Variants in LRRC69 observed in about 807,000 individuals in gnomAD.
LRRC69 encodes leucine-rich repeat-containing protein 69.
LRRC69 carries 42 observed loss-of-function variants against 37.8 expected under a neutral mutation model. The ratio of observed to expected loss-of-function variants is 1.11; its 90% CI spans 0.87 to 1.44. LRRC69 has a LOEUF of 1.44. Among genes scored for constraint, LRRC69 ranks in the 40% most tolerant of loss-of-function variants. The probability of loss-of-function intolerance (pLI) is 0.00; values close to 1 mark genes in which losing one functional copy is unlikely to be tolerated. For synonymous variants in LRRC69, 141 were observed against 143.1 expected (o/e 0.99, Z 0.11); for missense variants, 357 against 401.9 (o/e 0.89, Z 0.96).
intron 5 of LRRC69, among the ~76,000 whole-genome samples, chr8:91,167,321 C>T (rs1809047382): frequency 6.6e-6 from 1 of 151,584 alleles, no homozygotes; most frequent in South Asian, 2.1e-4. Context: ...AGAACTTGTG[C>T]AGGGGTACTC....
intron 5 of LRRC69, among the ~76,000 whole-genome samples, chr8:91,168,612 T>C (rs1291980451): frequency 6.6e-6 from 1 of 151,956 alleles, no homozygotes; most frequent in Non-Finnish European, 1.5e-5. Flanking sequence ...ACCTACCTGC[T>C]AAGCAGGATG....
chr8:91,181,518 A>T (rs1036701828), intron 5 of LRRC69, among the ~76,000 whole-genome samples: 1 of 152,192 alleles, frequency 6.6e-6, no homozygotes, highest in Non-Finnish European at 1.5e-5. Flanking sequence ...TGTGGAACTG[A>T]CATAACATAC....
At chr8:91,141,747 A>G (rs1808536563) in intron 5 of LRRC69, among the ~76,000 whole-genome samples, 1 of 152,124 alleles carries the variant, frequency 6.6e-6, no homozygotes, top group South Asian at 2.1e-4. Context: ...ATTTAAAATG[A>G]GAAAAATCAA....
chr8:91,180,962 T>C (rs1809314270), intron 5 of LRRC69, among the ~76,000 whole-genome samples: 1 of 151,684 alleles, frequency 6.6e-6, no homozygotes, highest in Non-Finnish European at 1.5e-5. Flanking sequence ...TAAAATAAAA[T>C]ACCTCTAGGA....
At chr8:91,194,298 C>G (rs1289923030) in intron 6 of LRRC69, among the ~76,000 whole-genome samples, 1 of 149,544 alleles carries the variant, frequency 6.7e-6, no homozygotes. Flanking sequence ...GGATATTGGT[C>G]TAAAATTCTC....
chr8:91,157,546 G>A (rs1808858790), intron 5 of LRRC69: 1 of 1,525,592 alleles, frequency 6.6e-7, no homozygotes. Flanking sequence ...TAATGAGAAT[G>A]AGGGTTTACT....
chr8:91,151,373 C>T lies in LRRC69; in HGVS notation c.651+15634C>T, dbSNP rs190449745. Among the ~76,000 whole-genome samples, 880 of 151,266 alleles carry T rather than the reference C, an allele frequency of 5.8e-3. 14 individuals are homozygous for T. The highest frequency in any genetic ancestry group is 0.02 in the African/African-American group (838 of 41,292). ...GTAGTCATTCAGGAGCAGGTTGTTC[C>T]GTTTCCATGTAGTTGAGTGGTTTTG... On this transcript the variant is annotated intron_variant, in intron 5 of 7. Transcript: ENST00000448384.
intron 5 of LRRC69, among the ~76,000 whole-genome samples, chr8:91,166,094 C>T (rs879469784): frequency 4.6e-5 from 7 of 151,578 alleles, no homozygotes; most frequent in East Asian, 1.9e-4. Flanking sequence ...TGTGTGACTT[C>T]GGGAAAATTT....
At chr8:91,212,844 A>T (rs1809955894) in intron 7 of LRRC69, among the ~76,000 whole-genome samples, 1 of 152,214 alleles carries the variant, frequency 6.6e-6, no homozygotes, top group Non-Finnish European at 1.5e-5. Flanking sequence ...TAAAATGGAT[A>T]TATATTTCTT....
chr8:91,215,350 T>G (rs1482483389), intron 7 of LRRC69, among the ~76,000 whole-genome samples: 1 of 152,200 alleles, frequency 6.6e-6, no homozygotes. Context: ...CTGTGCCATA[T>G]AAATATATAT....
At chr8:91,152,622 T>C (rs1271475926) in intron 5 of LRRC69, among the ~76,000 whole-genome samples, 2 of 151,338 alleles carry the variant, frequency 1.3e-5, no homozygotes, top group African/African-American at 4.8e-5. Flanking sequence ...TTCTTTTTTG[T>C]TTCCATACAA....
intron 5 of LRRC69, among the ~76,000 whole-genome samples, chr8:91,154,055 T>C (rs56153274): frequency 0.46 from 70,220 of 151,256 alleles, 17,945 homozygotes; most frequent in South Asian, 0.65. Flanking sequence ...CCCAAAGAAA[T>C]AGAAACAACC....
intron 5 of LRRC69, among the ~76,000 whole-genome samples, chr8:91,153,841 GA>G (rs1808785243): frequency 6.6e-6 from 1 of 151,872 alleles, no homozygotes; most frequent in South Asian, 2.1e-4. Flanking sequence ...AAAGCTAGGA[GA>G]AGACAGGAAA....
chr8:91,147,320 T>C (rs1808640762), intron 5 of LRRC69, among the ~76,000 whole-genome samples: 1 of 148,862 alleles, frequency 6.7e-6, no homozygotes, highest in Admixed American at 6.7e-5. Flanking sequence ...GATTCACGTT[T>C]ACATGATATA....
At chr8:91,110,201 G>A (rs1346088064) in intron 1 of LRRC69, among the ~76,000 whole-genome samples, 3 of 151,976 alleles carry the variant, frequency 2.0e-5, no homozygotes, top group Non-Finnish European at 4.4e-5. Context: ...TCTTCTTAAG[G>A]AAGTTAAGTA....
chr8:91,171,536 G>A (rs1322597869), intron 5 of LRRC69, among the ~76,000 whole-genome samples: 3 of 151,970 alleles, frequency 2.0e-5, no homozygotes, highest in Admixed American at 2.0e-4. Flanking sequence ...TCAAACTTCT[G>A]AGAAAATCTT....
chr8:91,170,049 T>C (rs1479935717), intron 5 of LRRC69, among the ~76,000 whole-genome samples: 7 of 115,080 alleles, frequency 6.1e-5, no homozygotes, highest in Admixed American at 5.0e-4. Flanking sequence ...AGTAATGGGA[T>C]GGCTGGGTCA....
At chr8:91,175,810 C>T (rs1395337040) in intron 5 of LRRC69, among the ~76,000 whole-genome samples, 2 of 86,586 alleles carry the variant, frequency 2.3e-5, no homozygotes, top group Admixed American at 1.9e-4. Flanking sequence ...CGTGACACCA[C>T]CGGAGTTTTT....
intron 5 of LRRC69, among the ~76,000 whole-genome samples, chr8:91,137,942 C>T (rs547648816): frequency 1.1e-4 from 16 of 152,114 alleles, no homozygotes; most frequent in African/African-American, 3.8e-4. Context: ...GTAGTGTAGA[C>T]ATGAATAACA....
Sources: gnomAD v4.1 joint callset for allele counts (sites outside exome capture counted in the v4.1 genomes callset) on GRCh38, gnomAD v4.1.1 for gene constraint, MANE v1.5 for transcripts, NCBI Gene and HGNC (gene_info 2026-07-23, HGNC 2026-07-21) for gene names.